Variants in DPYD observed in about 807,000 individuals in gnomAD.
DPYD encodes dihydropyrimidine dehydrogenase.
DPYD carries 109 observed loss-of-function variants against 116.2 expected under a neutral mutation model. That is an observed-to-expected ratio of 0.94 (90% CI 0.80 to 1.10). DPYD has a LOEUF of 1.10. Among genes scored for constraint, DPYD ranks in the 50% least tolerant of loss-of-function variants. The pLI, the probability that DPYD is intolerant of heterozygous loss-of-function variation, is 0.00. For synonymous variants in DPYD, 440 were observed against 432.0 expected, an observed-to-expected ratio of 1.02 and a Z score of -0.23; for missense variants, 1,302 against 1,254.5, an observed-to-expected ratio of 1.04 and a Z score of -0.57.
intron 1 of DPYD, among the ~76,000 whole-genome samples, chr1:97,894,108 G>C (rs995484316): frequency 5.9e-5 from 9 of 151,894 alleles, no homozygotes; most frequent in Admixed American, 4.6e-4. Flanking sequence ...GAAAGTCTAA[G>C]ATCAAGGTGC....
chr1:97,463,312 C>T (rs928144956), intron 13 of DPYD, among the ~76,000 whole-genome samples: 3 of 152,128 alleles, frequency 2.0e-5, no homozygotes, highest in Non-Finnish European at 4.4e-5. Flanking sequence ...AGGAGTTTCC[C>T]TGCACTCTCT....
intron 3 of DPYD, among the ~76,000 whole-genome samples, chr1:97,822,379 A>G (rs1318712682): frequency 1.4e-5 from 2 of 147,784 alleles, no homozygotes; most frequent in East Asian, 3.9e-4. Context: ...AAAATTCTAA[A>G]TATGAATATA....
At chr1:97,356,871 G>A (rs74105108) in intron 16 of DPYD, among the ~76,000 whole-genome samples, 3,009 of 152,176 alleles carry the variant, frequency 0.02, 101 homozygotes, top group African/African-American at 0.068. Flanking sequence ...CTGCTCCACT[G>A]GTCAATTAGT....
chr1:97,791,797 C>T (rs994141979), intron 3 of DPYD, among the ~76,000 whole-genome samples: 1 of 152,102 alleles, frequency 6.6e-6, no homozygotes, highest in Non-Finnish European at 1.5e-5. Flanking sequence ...AAAATTTGTG[C>T]ACTCAAATAT....
chr1:97,490,543 G>T (rs1038181840), intron 13 of DPYD, among the ~76,000 whole-genome samples: 2 of 148,734 alleles, frequency 1.3e-5, no homozygotes, highest in African/African-American at 2.4e-5. Flanking sequence ...TTTAGAGGCT[G>T]CAGAGAGAAG....
intron 20 of DPYD, among the ~76,000 whole-genome samples, chr1:97,153,797 A>G (rs550645226): frequency 1.3e-5 from 2 of 152,228 alleles, no homozygotes; most frequent in South Asian, 4.1e-4. Context: ...GAAACAAATC[A>G]TCAAGAAAAA....
chr1:97,524,586 G>A (rs544575239), intron 12 of DPYD, among the ~76,000 whole-genome samples: 1 of 152,226 alleles, frequency 6.6e-6, no homozygotes, highest in African/African-American at 2.4e-5. Flanking sequence ...ATAACTTACC[G>A]ATATATAACC....
At chr1:97,538,217 A>T (rs891577165) in intron 12 of DPYD, among the ~76,000 whole-genome samples, 1 of 152,210 alleles carries the variant, frequency 6.6e-6, no homozygotes, top group African/African-American at 2.4e-5. Context: ...AGCTCACAGA[A>T]AGAAGATGGA....
intron 12 of DPYD, among the ~76,000 whole-genome samples, chr1:97,544,293 C>T (rs945734885): frequency 1.3e-5 from 2 of 152,134 alleles, no homozygotes; most frequent in Non-Finnish European, 2.9e-5. Context: ...TAGCACTTTG[C>T]ATCCAACACC....
chr1:97,662,749 T>C (rs1359389041), intron 8 of DPYD, among the ~76,000 whole-genome samples: 1 of 152,180 alleles, frequency 6.6e-6, no homozygotes, highest in African/African-American at 2.4e-5. Flanking sequence ...ATCTAATATA[T>C]GATCTGGTGA....
intron 14 of DPYD, among the ~76,000 whole-genome samples, chr1:97,401,433 C>T (rs1387780457): frequency 6.6e-6 from 1 of 152,108 alleles, no homozygotes; most frequent in East Asian, 1.9e-4. Context: ...CCTGTCTCAG[C>T]CTCCTGAGTA....
chr1:97,356,311 T>C (rs936766014), intron 16 of DPYD, among the ~76,000 whole-genome samples: 8 of 152,224 alleles, frequency 5.3e-5, no homozygotes, highest in African/African-American at 1.7e-4. Flanking sequence ...TTTAGTCTCC[T>C]TATATATATT....
chr1:97,084,441 T>C (rs1014320), intron 21 of DPYD, among the ~76,000 whole-genome samples: 50,328 of 151,572 alleles, frequency 0.33, 8,785 homozygotes, highest in Middle Eastern at 0.47. Context: ...TCTTCCTCTT[T>C]CTCACCTTTT....
intron 5 of DPYD, chr1:97,720,238 A>G (rs1336647552): frequency 1.0e-6 from 1 of 984,840 alleles, no homozygotes; most frequent in Non-Finnish European, 1.2e-6. Context: ...TATCATTTTA[A>G]TTCATTTTGT....
intron 8 of DPYD, among the ~76,000 whole-genome samples, chr1:97,612,249 T>A (rs1655992567): frequency 6.6e-6 from 1 of 152,070 alleles, no homozygotes; most frequent in African/African-American, 2.4e-5. Flanking sequence ...CCAGGAGGCA[T>A]CTGATCAATA....
chr1:97,507,591 T>G lies in DPYD; in HGVS notation c.1740+8135A>C, dbSNP rs115615629. Among the ~76,000 whole-genome samples the G allele has an allele frequency of 3.9e-3, 595 of 152,124 alleles. 4 individuals carry two copies. The highest frequency in any genetic ancestry group is 0.014 in the African/African-American group (576 of 41,548). Reference sequence around the variant, plus strand: ...AATGAGTTTCAAAAATAAATTGTGATGTTTTGTATTGTAATCCATAGAGAA... The same window carrying G: ...AATGAGTTTCAAAAATAAATTGTGAGGTTTTGTATTGTAATCCATAGAGAA... On this transcript the variant is annotated intron_variant, in intron 13 of 22. Transcript: ENST00000370192.
chr1:97,530,151 T>G (rs542623630), intron 12 of DPYD, among the ~76,000 whole-genome samples: 1 of 151,976 alleles, frequency 6.6e-6, no homozygotes, highest in African/African-American at 2.4e-5. Flanking sequence ...CAGTACAATT[T>G]CTTTCTTTTT....
intron 15 of DPYD, among the ~76,000 whole-genome samples, chr1:97,382,142 G>A (rs1672008926): frequency 6.6e-6 from 1 of 152,098 alleles, no homozygotes; most frequent in Non-Finnish European, 1.5e-5. Flanking sequence ...TATGGATTCA[G>A]AGAATAAAGG....
intron 20 of DPYD, among the ~76,000 whole-genome samples, chr1:97,187,296 A>G (rs922086066): frequency 1.3e-5 from 2 of 151,906 alleles, no homozygotes; most frequent in Non-Finnish European, 2.9e-5. Flanking sequence ...ATAATATCTC[A>G]TTGTGGTTTT....
Sources: gnomAD v4.1 joint callset for allele counts (sites outside exome capture counted in the v4.1 genomes callset) on GRCh38, gnomAD v4.1.1 for gene constraint, MANE v1.5 for transcripts, NCBI Gene and HGNC (gene_info 2026-07-23, HGNC 2026-07-21) for gene names.